MIER1: variants seen among roughly 807,000 people sequenced by gnomAD.
The protein encoded by MIER1 is MIER1 transcriptional regulator.
Under a neutral mutation model 75.7 loss-of-function variants are expected in MIER1, and 40 were observed. The observed-to-expected ratio is 0.53, with a 90% CI of 0.41 to 0.69. MIER1 has a LOEUF of 0.69. MIER1 is among the 30% of genes least tolerant of loss of function. The pLI is 0.00. For missense variants in MIER1, 574 were observed against 680.2 expected (o/e 0.84, Z 1.74); for synonymous variants, 213 against 223.4 (o/e 0.95, Z 0.42).
chr1:66,925,350 G>T (rs1569957278), intron 1 of MIER1: 3 of 985,300 alleles, frequency 3.0e-6, no homozygotes, highest in East Asian at 1.1e-4. Context: ...TGCCTTCGCG[G>T]TGGTGGCGCC....
intron 4 of MIER1, chr1:66,946,999 C>T (rs1349539122): frequency 1.0e-6 from 1 of 985,106 alleles, no homozygotes; most frequent in African/African-American, 1.7e-5. Flanking sequence ...CTTTTTTTCT[C>T]TCCTGTCTCT....
intron 3 of MIER1, among the ~76,000 whole-genome samples, chr1:66,943,096 G>A (rs1013673886): frequency 2.6e-5 from 4 of 152,078 alleles, no homozygotes; most frequent in Non-Finnish European, 5.9e-5. Flanking sequence ...TGCCTACAAG[G>A]GAGAAAAGTA....
rs1158325781 is a variant in MIER1 at position 66,987,046 on chromosome 1, C to A, written c.*2146C>A. On this transcript the variant is annotated 3_prime_UTR_variant, in exon 14 of 14. Transcript: ENST00000401041. ...TACAGAAATGTTTTAAATACATTCT[C>A]AGGCATGTTTGCAAAAATATGGCAC... 1 of 152,236 alleles carries A rather than the reference C, an allele frequency of 6.6e-6. No homozygotes were observed. The highest frequency in any genetic ancestry group is 1.5e-5 in the Non-Finnish European group (1 of 67,988). The allele number at this position is 152,236 out of a possible 1,614,324, so 9.4% of individuals were successfully genotyped here.
intron 2 of MIER1, among the ~76,000 whole-genome samples, chr1:66,935,994 T>TA (rs1654727247): frequency 6.6e-6 from 1 of 152,202 alleles, no homozygotes; most frequent in Non-Finnish European, 1.5e-5. Flanking sequence ...TAGTGAATGT[T>TA]TTATATATAT....
At chr1:66,938,041 C>G (rs912168619) in intron 2 of MIER1, among the ~76,000 whole-genome samples, 2 of 152,112 alleles carry the variant, frequency 1.3e-5, no homozygotes, top group African/African-American at 2.4e-5. Flanking sequence ...CTAATGTTAC[C>G]TTTGAACACT....
At chr1:66,959,879 T>TG (rs1191283855) in intron 7 of MIER1, 136 bp downstream of exon 7, 5 of 397,544 alleles carry the variant, frequency 1.3e-5, no homozygotes, top group Non-Finnish European at 2.3e-5. Context: ...TTTAAATGTT[T>TG]GGTAAATGTT....
rs755116344 is a variant in MIER1, at chr1:66,971,717, T to C, written c.987T>C (p.Phe329=). The C allele has an allele frequency of 1.3e-6, 2 of 1,499,114 alleles. No homozygotes were observed. The highest frequency in any genetic ancestry group is 1.8e-6 in the Non-Finnish European group (2 of 1,086,494). The allele number at this position is 1,499,114 out of a possible 1,614,324, so 92.9% of individuals were successfully genotyped here. Residue 329 remains phenylalanine (F), a synonymous_variant, in exon 10 of 14, where the codon TTT becomes TTC. Transcript: ENST00000401041. ...AAGAAGCATTGAGAAGATTAAGATT[T>C]AATGTAAAAGCAGCTAGAGGTAAGT... The part of the protein sequence containing the change: ...DTEEALRRLR[F]NVKAAREELS...
intron 12 of MIER1, among the ~76,000 whole-genome samples, chr1:66,981,487 A>G (rs1423219072): frequency 6.6e-6 from 1 of 152,158 alleles, no homozygotes. Context: ...GAGATCTTCC[A>G]GTTCTAGTTG....
intron 1 of MIER1, among the ~76,000 whole-genome samples, chr1:66,925,816 G>A (rs1352840711): frequency 1.3e-5 from 2 of 152,166 alleles, no homozygotes; most frequent in African/African-American, 4.8e-5. Flanking sequence ...TCCAACGCTA[G>A]AATTCTGCAT....
At chr1:66,981,600 T>C (rs1343721220) in intron 12 of MIER1, among the ~76,000 whole-genome samples, 179 bp from the exon 13 acceptor site, 3 of 152,206 alleles carry the variant, frequency 2.0e-5, no homozygotes, top group Non-Finnish European at 4.4e-5. Context: ...CCTATAAACA[T>C]GTAACCAAAA....
At chr1:66,971,589 T>G in intron 9 of MIER1, 66 bp from the exon 10 acceptor site, 1 of 821,788 alleles carries the variant, frequency 1.2e-6, no homozygotes, top group Non-Finnish European at 2.0e-6. Flanking sequence ...TGAAAAACTT[T>G]TAAGAAATTG....
chr1:66,964,448 C>CTTTTTTTTT (rs71058483), intron 8 of MIER1, among the ~76,000 whole-genome samples: 2 of 119,796 alleles, frequency 1.7e-5, no homozygotes, highest in African/African-American at 6.4e-5. Flanking sequence ...TGTATGTTTC[C>CTTTTTTTTT]TTTTTTTTTT....
intron 3 of MIER1, 38 bp downstream of exon 3, chr1:66,940,090 G>A: frequency 6.7e-7 from 1 of 1,499,510 alleles, no homozygotes. Flanking sequence ...CTCGATTTGA[G>A]TAACATTTGT....
In MIER1 at chr1:66,926,159, T is replaced by A; in HGVS notation, c.85T>A (p.Phe29Ile). Residue 29 changes from phenylalanine to isoleucine, a missense_variant, in exon 2 of 14, where the codon TTC becomes ATC. Phe to Ile is a conservative substitution (Grantham distance 21). Around this residue, in one of 3 missense-constraint regions of MIER1, gnomAD observed 309 missense variants for 352.8 expected, o/e 0.88. Coordinates refer to ENST00000401041, the MANE Select transcript of MIER1 (RefSeq NM_001077700.3). ...SGSGYGVVAR[F>I]SQCLAEFRTW... is the part of the protein sequence containing the mutation. ...TGATCCAGATGGTGTGGTCGCTCGA[T>A]TCTCCCAGTGCCTGGCTGAGTTTCG... The A allele has an allele frequency of 6.2e-7, 1 of 1,613,910 alleles. No homozygotes were observed.
At chr1:66,950,685 G>C (rs888220602) in intron 4 of MIER1, among the ~76,000 whole-genome samples, 1 of 139,184 alleles carries the variant, frequency 7.2e-6, no homozygotes, top group African/African-American at 2.8e-5. Context: ...GTGAGAGATT[G>C]CAGTATTTTG....
intron 7 of MIER1, among the ~76,000 whole-genome samples, chr1:66,960,802 C>G (rs186071518): frequency 2.6e-5 from 4 of 152,216 alleles, no homozygotes; most frequent in Admixed American, 1.3e-4. Flanking sequence ...TTTGTGTGGC[C>G]TATTTGGGCA....
At position 66,958,970 on chromosome 1, in the gene MIER1, A is replaced by G; in HGVS notation, c.621A>G (p.Lys207=). The G allele has an allele frequency of 6.2e-7, 1 of 1,612,802 alleles. No homozygotes were observed. The change falls in exon 6 of 14, where the codon AAA becomes AAG. Residue 207 remains lysine, a synonymous_variant. Coordinates refer to ENST00000401041, the MANE Select transcript of MIER1 (RefSeq NM_001077700.3). ...AAATAATCCGCCCACGTCGATGTAA[A>G]TATTTTGATACAAGTAAGTGTTACT... ...AQEIIRPRRC[K]YFDTNSEVEE...
chr1:66,925,316 G>T (rs3008859), intron 1 of MIER1: 17 of 984,682 alleles, frequency 1.7e-5, no homozygotes, highest in Non-Finnish European at 2.0e-5. Context: ...TCTGGCCATC[G>T]ACTGCCTCCC....
At position 66,971,667 on chromosome 1, in the gene MIER1, T is replaced by C; in HGVS notation, c.937T>C (p.Leu313=). ...TTTATTTTTCTAGGCTTTATATGAA[T>C]TGGTTAAATGCAATTTTGATACAGA... The part of the protein sequence containing the change: ...IKDNEQALYE[L]VKCNFDTEEA... The change falls in exon 10 of 14, where the codon TTG becomes CTG. Residue 313 remains leucine (L), a synonymous_variant. Transcript: ENST00000401041. The C allele has an allele frequency of 6.7e-7, 1 of 1,486,152 alleles. No homozygotes were observed. Among genetic ancestry groups the C allele is most frequent in the Non-Finnish European group, 9.3e-7 (1 of 1,073,726 alleles). The allele number at this position is 1,486,152 out of a possible 1,614,324, so 92.1% of individuals were successfully genotyped here.
Sources: allele counts gnomAD v4.1 joint callset (sites outside exome capture counted in the v4.1 genomes callset), GRCh38; gene constraint gnomAD v4.1.1; regional missense constraint gnomAD v4.1.1; transcripts MANE v1.5; gene names NCBI Gene and HGNC (gene_info 2026-07-23, HGNC 2026-07-21).